The following RIMS4 variants were observed in gnomAD, a reference collection of about 807,000 sequenced individuals.
RIMS4 encodes the protein regulating synaptic membrane exocytosis protein 4.
Under a neutral mutation model 29.0 loss-of-function variants are expected in RIMS4, and 9 were observed. The ratio of observed to expected loss-of-function variants is 0.31; its 90% confidence interval spans 0.19 to 0.54. The LOEUF (loss-of-function observed/expected upper bound fraction) is 0.54, where lower values mean the gene tolerates loss of function less well. Among genes scored for constraint, RIMS4 ranks in the 20% least tolerant of loss-of-function variants. The probability of loss-of-function intolerance (pLI) is 0.94; values close to 1 mark genes in which losing one functional copy is unlikely to be tolerated. For synonymous variants in RIMS4, 130 were observed against 152.9 expected (o/e 0.85, Z 1.10); for missense variants, 193 against 365.7 (o/e 0.53, Z 3.85).
chr20:44,806,165 T>C (rs1418367328), intron 1 of RIMS4, among the ~76,000 whole-genome samples: 2 of 151,456 alleles, frequency 1.3e-5, no homozygotes, highest in African/African-American at 4.9e-5. Flanking sequence ...TATGGGCAAA[T>C]CAGAGCTGGC....
intron 1 of RIMS4, among the ~76,000 whole-genome samples, chr20:44,774,597 C>T (rs1250469263): frequency 1.3e-5 from 2 of 152,196 alleles, no homozygotes; most frequent in African/African-American, 4.8e-5. Flanking sequence ...TGCAGACTGC[C>T]TATTGTGGGA....
intron 1 of RIMS4, among the ~76,000 whole-genome samples, chr20:44,803,135 C>T (rs2066283913): frequency 1.3e-5 from 2 of 152,178 alleles, no homozygotes; most frequent in African/African-American, 2.4e-5. Context: ...TTTCCCCCAC[C>T]CCAGAATATA....
chr20:44,770,907 T>C (rs1024619959), intron 2 of RIMS4, among the ~76,000 whole-genome samples: 5 of 152,260 alleles, frequency 3.3e-5, no homozygotes, highest in Non-Finnish European at 5.9e-5. Flanking sequence ...TGCTTTATGC[T>C]GTGTATAAAT....
chr20:44,764,446 T>G (rs2066105201), intron 2 of RIMS4, among the ~76,000 whole-genome samples: 1 of 152,186 alleles, frequency 6.6e-6, no homozygotes, highest in African/African-American at 2.4e-5. Flanking sequence ...GTTTTAAATA[T>G]GTTAAATGCT....
At chr20:44,786,432 C>T (rs1485418678) in intron 1 of RIMS4, among the ~76,000 whole-genome samples, 2 of 152,196 alleles carry the variant, frequency 1.3e-5, no homozygotes, top group East Asian at 3.9e-4. Context: ...GACCTCTCTG[C>T]TAGTCCCTAT....
intron 1 of RIMS4, among the ~76,000 whole-genome samples, chr20:44,807,438 G>A (rs2066303538): frequency 6.6e-6 from 1 of 152,226 alleles, no homozygotes; most frequent in Non-Finnish European, 1.5e-5. Flanking sequence ...CTCTGGCTCA[G>A]TCTAGTTGGA....
chr20:44,810,179 G>A lies in RIMS4; in HGVS notation c.93C>T (p.Asp31=). ...FPCMNSFDDE[D]AGDSRRLKGA... is the part of the protein sequence containing the mutation. Reference sequence around the variant, plus strand: ...GGGGGCGGGCCGCGCGCTTACCTGCGTCCTCGTCGTCGAAGGAGTTCATGC... The same window carrying A: ...GGGGGCGGGCCGCGCGCTTACCTGCATCCTCGTCGTCGAAGGAGTTCATGC... Residue 31 remains aspartate, a synonymous_variant, in exon 1 of 6, where the codon GAC becomes GAT. Coordinates refer to ENST00000372851, the MANE Select transcript of RIMS4 (RefSeq NM_182970.4). 4 of 1,585,860 alleles carry A rather than the reference G, an allele frequency of 2.5e-6. No individual in the cohort carries two copies. In the South Asian group the frequency reaches 3.4e-5, roughly 13 times the overall value.
chr20:44,801,182 C>T (rs960991293), intron 1 of RIMS4, among the ~76,000 whole-genome samples: 1 of 152,194 alleles, frequency 6.6e-6, no homozygotes, highest in African/African-American at 2.4e-5. Context: ...CAAGTCCGCT[C>T]ATTTTTACTA....
chr20:44,774,037 C>T (rs531177084), intron 1 of RIMS4, among the ~76,000 whole-genome samples: 23 of 152,272 alleles, frequency 1.5e-4, no homozygotes, highest in Middle Eastern at 3.4e-3. Context: ...TCCCTTGACA[C>T]ACCACCTTCC....
chr20:44,784,609 C>T (rs1469678312), intron 1 of RIMS4, among the ~76,000 whole-genome samples: 1 of 152,230 alleles, frequency 6.6e-6, no homozygotes, highest in African/African-American at 2.4e-5. Flanking sequence ...TAGCAGCTAA[C>T]CCAGTGTCCA....
At chr20:44,779,422 A>G (rs2066174192) in intron 1 of RIMS4, among the ~76,000 whole-genome samples, 1 of 152,254 alleles carries the variant, frequency 6.6e-6, no homozygotes. Context: ...CACCAAAAGT[A>G]GCATTACCCT....
intron 2 of RIMS4, among the ~76,000 whole-genome samples, chr20:44,769,432 G>C (rs2066127346): frequency 6.6e-6 from 1 of 152,168 alleles, no homozygotes; most frequent in South Asian, 2.1e-4. Flanking sequence ...AAACATGAGA[G>C]AGGTCCACTG....
intron 1 of RIMS4, among the ~76,000 whole-genome samples, chr20:44,780,001 A>AT: frequency 6.6e-6 from 1 of 152,336 alleles, no homozygotes; most frequent in East Asian, 1.9e-4. Context: ...TGTTAAGAGA[A>AT]TGTGTATACA....
At chr20:44,783,617 G>A (rs965162229) in intron 1 of RIMS4, among the ~76,000 whole-genome samples, 5 of 151,222 alleles carry the variant, frequency 3.3e-5, no homozygotes, top group African/African-American at 9.7e-5. Context: ...GGGAGACCCT[G>A]TCTCAAAAAA....
At chr20:44,766,350 G>A (rs993851802) in intron 2 of RIMS4, among the ~76,000 whole-genome samples, 1 of 152,180 alleles carries the variant, frequency 6.6e-6, no homozygotes, top group Non-Finnish European at 1.5e-5. Flanking sequence ...GGTGAAGGGG[G>A]AGCAGGGGTA....
chr20:44,795,846 C>G (rs1296089234), intron 1 of RIMS4, among the ~76,000 whole-genome samples: 2 of 152,052 alleles, frequency 1.3e-5, no homozygotes, highest in African/African-American at 4.8e-5. Flanking sequence ...AGTGTGGTCT[C>G]CAGACTCTGA....
chr20:44,800,400 A>G (rs1190027880), intron 1 of RIMS4, among the ~76,000 whole-genome samples: 5 of 152,080 alleles, frequency 3.3e-5, no homozygotes, highest in African/African-American at 9.7e-5. Context: ...ATAAAAGCTG[A>G]TAACAGTGCT....
In RIMS4 at chr20:44,810,546, T is replaced by A. The variant is rs1362884871; in HGVS notation, c.-275A>T. Among the ~76,000 whole-genome samples, 1 of 143,936 alleles carries A rather than the reference T, an allele frequency of 6.9e-6. No homozygotes were observed. The highest frequency in any genetic ancestry group is 2.5e-5 in the African/African-American group (1 of 39,984). The allele number at this position is 143,936 out of a possible 152,430, so 94.4% of individuals were successfully genotyped here. ...GCGGCGGTGGCGGCGCAGCGCGCTC[T>A]GGTCCGCGGCGCCCCCCGCCGGCAG... On this transcript the variant is annotated 5_prime_UTR_variant, in exon 1 of 6. Transcript: ENST00000372851.
At chr20:44,780,776 G>C (rs777048619) in intron 1 of RIMS4, among the ~76,000 whole-genome samples, 15 of 152,184 alleles carry the variant, frequency 9.9e-5, no homozygotes, top group Non-Finnish European at 2.1e-4. Context: ...TGGAGGGAGG[G>C]ATAAGTGCCT....
Sources: allele counts gnomAD v4.1 joint callset (sites outside exome capture counted in the v4.1 genomes callset), GRCh38; gene constraint gnomAD v4.1.1; transcripts MANE v1.5; gene names NCBI Gene and HGNC (gene_info 2026-07-23, HGNC 2026-07-21).